LMAN2: variants seen among roughly 807,000 people sequenced by gnomAD.
LMAN2 encodes lectin, mannose binding 2.
In LMAN2, 22 loss-of-function variants were observed where a neutral mutation model predicts 39.3. The ratio of observed to expected loss-of-function variants is 0.56; its 90% CI spans 0.40 to 0.80. The LOEUF is 0.80. LMAN2 is among the 30% of genes least tolerant of loss of function. The probability of loss-of-function intolerance (pLI) is 0.00; values close to 1 mark genes in which losing one functional copy is unlikely to be tolerated. For synonymous variants in LMAN2, 207 were observed against 207.8 expected (o/e 1.00, Z 0.03); for missense variants, 494 against 505.4 (o/e 0.98, Z 0.22).
chr5:177,347,168 C>T (rs1399151182), intron 2 of LMAN2, among the ~76,000 whole-genome samples: 2 of 152,126 alleles, frequency 1.3e-5, no homozygotes, highest in Non-Finnish European at 2.9e-5. Flanking sequence ...AACCAGATTT[C>T]AAATGGTCTC....
At position 177,351,467 on chromosome 5, in the gene LMAN2, T is replaced by G. The variant is rs1236293290; in HGVS notation, c.181A>C (p.Ile61Leu). The G allele has an allele frequency of 6.2e-7, 1 of 1,613,540 alleles. No individual in the cohort carries two copies. The change falls in exon 1 of 8, where the codon ATT becomes CTT. Residue 61 changes from isoleucine to leucine, a missense_variant. Physicochemically the swap from Ile to Leu is conservative, Grantham distance 5. Transcript: ENST00000303127. ...SEHLKREHSL[I>L]KPYQGVGSSS... ...AGGGCTTCACCTTGGTAGGGCTTAA[T>G]GAGCGAATGCTCCCGCTTGAGATGT...
intron 7 of LMAN2, among the ~76,000 whole-genome samples, chr5:177,334,074 A>G (rs1323587432): frequency 6.6e-6 from 1 of 152,228 alleles, no homozygotes; most frequent in Non-Finnish European, 1.5e-5. Flanking sequence ...CATTTACTCA[A>G]AAACTTGCCA....
intron 2 of LMAN2, among the ~76,000 whole-genome samples, chr5:177,339,277 A>G (rs539472878): frequency 4.7e-4 from 71 of 152,284 alleles, no homozygotes; most frequent in African/African-American, 1.6e-3. Context: ...AACCTTCCCA[A>G]GTGAGGAAAA....
chr5:177,338,343 A>G (rs1171477033), intron 3 of LMAN2, 145 bp downstream of exon 3: 2 of 658,540 alleles, frequency 3.0e-6, no homozygotes, highest in African/African-American at 1.8e-5. Flanking sequence ...GCAGGACTTT[A>G]TCCACGGGAG....
At chr5:177,347,579 C>A (rs1346755712) in intron 2 of LMAN2, among the ~76,000 whole-genome samples, 3 of 152,148 alleles carry the variant, frequency 2.0e-5, no homozygotes, top group Non-Finnish European at 4.4e-5. Context: ...AGCAAACCCA[C>A]CTGGGGAGCT....
At position 177,337,410 on chromosome 5, in the gene LMAN2, C is replaced by T. The variant is rs201632344; in HGVS notation, c.628G>A (p.Asp210Asn). 30 of 1,613,136 alleles carry T rather than the reference C, an allele frequency of 1.9e-5. No individual in the cohort carries two copies. The highest frequency in any genetic ancestry group is 2.5e-5 in the Non-Finnish European group (29 of 1,180,016). ...CGCACAGCCAGGAAGGTGTCGTGAT[C>T]GCGGTTGCGGAAGTCAGCCGTGCAG... ...AGCTADFRNR[D>N]HDTFLAVRYS... The change falls in exon 5 of 8, where the codon GAT becomes AAT. Residue 210 changes from aspartate (D) to asparagine (N), a missense_variant. Coordinates refer to ENST00000303127, the MANE Select transcript of LMAN2 (RefSeq NM_006816.3). This position sits in a 1 kb window ranked among gnomAD's most constrained non-coding sequence, Gnocchi z 8.2.
At chr5:177,333,430 C>A (rs1761420352) in intron 7 of LMAN2, among the ~76,000 whole-genome samples, 1 of 152,274 alleles carries the variant, frequency 6.6e-6, no homozygotes, top group Non-Finnish European at 1.5e-5. Context: ...CAGCAGCTGG[C>A]AGCCTTCTGA....
intron 2 of LMAN2, among the ~76,000 whole-genome samples, chr5:177,343,534 C>T (rs539780713): frequency 6.6e-6 from 1 of 152,044 alleles, no homozygotes; most frequent in South Asian, 2.1e-4. Flanking sequence ...GTGTCCATTA[C>T]GAATAGATGA....
Position 177,351,176 on chromosome 5 carries a change from G to A in LMAN2, c.312C>T (p.His104=), listed in dbSNP as rs372588139. ...ERSKEGSIWN[H]QPCFLKDWEM... ...TATCCTCTTGAGAACCACTCACCTG[G>A]TGGTTCCAGATAGAGCCCTCTTTGC... The change falls in exon 2 of 8, where the codon CAC becomes CAT. Residue 104 remains histidine (H), a synonymous_variant. Transcript: ENST00000303127. 1.2e-5 allele frequency: 19 copies of A among 1,613,860 alleles called. No individual in the cohort carries two copies. The highest frequency in any genetic ancestry group is 1.6e-5 in the Non-Finnish European group (19 of 1,179,866).
In LMAN2 at chr5:177,351,287, G is replaced by C. The variant is rs138759573; in HGVS notation, c.201C>G (p.Val67=). The change falls in exon 2 of 8, where the codon GTC becomes GTG. Residue 67 remains valine, a synonymous_variant. Transcript: ENST00000303127. ...EHSLIKPYQG[V]GSSSMPLWDF... is the part of the protein sequence containing the mutation. The stretch of plus-strand genomic sequence containing the variant: ...CCCAGAGGGGCATAGAGCTGGAACC[G>C]ACCCCTGTGGGAAGAGACAGGTGCT... 4.3e-6 allele frequency: 7 copies of C among 1,613,716 alleles called. No homozygotes were observed. The African/African-American group carries it at 9.3e-5, about 22-fold the overall frequency.
intron 2 of LMAN2, among the ~76,000 whole-genome samples, chr5:177,345,705 G>T (rs1296811598): frequency 6.6e-6 from 1 of 151,632 alleles, no homozygotes. Flanking sequence ...GGAACAAGTT[G>T]GTCAGGAAGG....
In LMAN2 at chr5:177,337,784, C is replaced by G. The variant is rs1761497296; in HGVS notation, c.435G>C (p.Gly145=). ...LWYTRDRLVP[G]PVFGSKDNFH... is the part of the protein sequence containing the mutation. ...AGTTATCTTTGCTTCCAAACACAGGCCCTAGAATTATAAGCAGATGCTCTC... is the reference window on the plus strand; with the variant it reads ...AGTTATCTTTGCTTCCAAACACAGGGCCTAGAATTATAAGCAGATGCTCTC... The change falls in exon 4 of 8, where the codon GGG becomes GGC. Residue 145 remains glycine, a splice_region_variant and synonymous_variant. Coordinates refer to ENST00000303127, the MANE Select transcript of LMAN2 (RefSeq NM_006816.3). This position sits in a 1 kb window ranked among gnomAD's most constrained non-coding sequence, Gnocchi z 8.2. The G allele has an allele frequency of 1.2e-6, 2 of 1,613,446 alleles. No homozygotes were observed. The highest frequency in any genetic ancestry group is 2.7e-5 in the African/African-American group (2 of 74,832).
chr5:177,342,529 T>A (rs1687227631), intron 2 of LMAN2, among the ~76,000 whole-genome samples: 1 of 151,680 alleles, frequency 6.6e-6, no homozygotes, highest in Non-Finnish European at 1.5e-5. Flanking sequence ...TACAAAAAAA[T>A]ACAAAAATTA....
rs774547227 is a variant in LMAN2, at chr5:177,332,228, G to A, written c.929C>T (p.Thr310Met). The A allele has an allele frequency of 1.1e-5, 18 of 1,612,802 alleles. No homozygotes were observed. Among genetic ancestry groups the A allele is most frequent in the East Asian group, 4.5e-5 (2 of 44,856 alleles). The change falls in exon 8 of 8, where the codon ACG becomes ATG. Residue 310 changes from threonine (T) to methionine (M), a missense_variant. By Grantham distance (81) the Thr-to-Met change is moderately conservative (BLOSUM62 -1). Coordinates refer to ENST00000303127, the MANE Select transcript of LMAN2 (RefSeq NM_006816.3). The surrounding 1 kb of genome is among the most constrained non-coding windows in gnomAD (Gnocchi z 6.3). ...KSPKDNVDDPTGNFRSGPLTG... is the reference protein window; with the variant it reads ...KSPKDNVDDPMGNFRSGPLTG... ...CAGGGGCCCGCTGCGGAAGTTCCCC[G>A]TGGGGTCGTCCACGTTGTCTGGGGG...
intron 2 of LMAN2, among the ~76,000 whole-genome samples, chr5:177,346,841 A>G (rs1761644474): frequency 6.6e-6 from 1 of 152,136 alleles, no homozygotes; most frequent in Non-Finnish European, 1.5e-5. Flanking sequence ...TTAGTAACTT[A>G]TAAAAGCAAG....
chr5:177,337,030 G>A lies in LMAN2; in HGVS notation c.790+106C>T. 2 of 792,002 alleles carry A rather than the reference G, an allele frequency of 2.5e-6. No homozygotes were observed. The highest frequency in any genetic ancestry group is 1.5e-5 in the South Asian group (1 of 64,588). The allele number at this position is 792,002 out of a possible 1,614,324, so 49.1% of individuals were successfully genotyped here. A position where few individuals can be genotyped will look rare whatever the true frequency, so the allele number is the denominator to read the frequency against. Reference sequence around the variant, plus strand: ...GAAAGGAGGAGGAGGAACACAGCCAGGTGAGCTCAGAAACCACATGAAGGC... The same window carrying A: ...GAAAGGAGGAGGAGGAACACAGCCAAGTGAGCTCAGAAACCACATGAAGGC... On this transcript the variant is annotated intron_variant, in intron 6 of 7. Transcript: ENST00000303127. The surrounding 1 kb of genome is among the most constrained non-coding windows in gnomAD (Gnocchi z 8.2).
At chr5:177,347,622 C>T (rs1166671922) in intron 2 of LMAN2, among the ~76,000 whole-genome samples, 1 of 152,160 alleles carries the variant, frequency 6.6e-6, no homozygotes, top group African/African-American at 2.4e-5. Flanking sequence ...CTACACCAGG[C>T]CAACTACATC....
At chr5:177,351,085 T>G (rs1761715277) in intron 2 of LMAN2, 88 bp downstream of exon 2, 1 of 1,177,518 alleles carries the variant, frequency 8.5e-7, no homozygotes, top group East Asian at 2.3e-5. Context: ...GGTGCAAACC[T>G]ATAAACGAAG....
Position 177,351,281 on chromosome 5 carries a change from G to A in LMAN2, c.207C>T (p.Ser69=). Residue 69 remains serine (S), a synonymous_variant, in exon 2 of 8, where the codon TCC becomes TCT. Transcript: ENST00000303127. ...SLIKPYQGVG[S]SSMPLWDFQG... ...GGAAGTCCCAGAGGGGCATAGAGCT[G>A]GAACCGACCCCTGTGGGAAGAGACA... 6 of 1,613,984 alleles carry A rather than the reference G, an allele frequency of 3.7e-6. No homozygotes were observed. The highest frequency in any genetic ancestry group is 5.1e-6 in the Non-Finnish European group (6 of 1,180,030).
Sources: allele counts gnomAD v4.1 joint callset (sites outside exome capture counted in the v4.1 genomes callset), GRCh38; gene constraint gnomAD v4.1.1; non-coding constraint Gnocchi (gnomAD v3.1); transcripts MANE v1.5; gene names NCBI Gene and HGNC (gene_info 2026-07-23, HGNC 2026-07-21).